Variants in PDE4D observed in about 807,000 individuals in gnomAD.
PDE4D encodes the protein 3',5'-cyclic-AMP phosphodiesterase 4D.
Under a neutral mutation model 87.4 loss-of-function variants are expected in PDE4D, and 24 were observed. The ratio of observed to expected loss-of-function variants is 0.27; its 90% confidence interval spans 0.20 to 0.39. The LOEUF (loss-of-function observed/expected upper bound fraction) is 0.39. Ranked by LOEUF, PDE4D falls within the 10% of genes least tolerant of loss-of-function variation. The probability of loss-of-function intolerance (pLI) is 1.00; values close to 1 mark genes in which losing one functional copy is unlikely to be tolerated. For missense variants in PDE4D, 714 were observed against 1,041.0 expected, an observed-to-expected ratio of 0.69 and a Z score of 4.32; for synonymous variants, 384 against 383.2, an observed-to-expected ratio of 1.00 and a Z score of -0.02.
chr5:59,572,018 AT>A (rs1266994023), intron 1 of PDE4D, among the ~76,000 whole-genome samples: 14 of 152,126 alleles, frequency 9.2e-5, no homozygotes, highest in African/African-American at 3.4e-4. Context: ...TTCCTTATGA[AT>A]TGAATTTGTG....
chr5:59,127,436 C>G (rs1241252682), intron 5 of PDE4D, among the ~76,000 whole-genome samples: 1 of 152,008 alleles, frequency 6.6e-6, no homozygotes, highest in East Asian at 1.9e-4. Flanking sequence ...TTTCTTCTTC[C>G]CCCACCTCCC....
chr5:60,226,149 G>A (rs1745071750), intron 1 of PDE4D, among the ~76,000 whole-genome samples: 2 of 152,046 alleles, frequency 1.3e-5, no homozygotes, highest in Non-Finnish European at 2.9e-5. Context: ...ATAAATCAAA[G>A]TATTTGGATA....
intron 1 of PDE4D, among the ~76,000 whole-genome samples, chr5:60,279,211 T>A (rs1294667114): frequency 6.6e-6 from 1 of 152,062 alleles, no homozygotes; most frequent in African/African-American, 2.4e-5. Flanking sequence ...GTAATGAGGG[T>A]GGCCTTGTTA....
chr5:59,597,356 A>G (rs985886648), intron 1 of PDE4D, among the ~76,000 whole-genome samples: 4 of 152,218 alleles, frequency 2.6e-5, no homozygotes, highest in African/African-American at 9.6e-5. Context: ...TTAACAATGT[A>G]TCTACATCTA....
intron 1 of PDE4D, among the ~76,000 whole-genome samples, chr5:59,424,874 C>G (rs1229825326): frequency 6.6e-6 from 1 of 152,180 alleles, no homozygotes; most frequent in East Asian, 1.9e-4. Flanking sequence ...TTCAGCAGAG[C>G]TTCACATACC....
At chr5:59,166,850 T>G (rs1782002084) in intron 5 of PDE4D, among the ~76,000 whole-genome samples, 1 of 152,238 alleles carries the variant, frequency 6.6e-6, no homozygotes, top group Admixed American at 6.5e-5. Flanking sequence ...TTATATGGTC[T>G]GTAAATGGTC....
chr5:60,392,556 T>G (rs922776149), intron 1 of PDE4D, among the ~76,000 whole-genome samples: 1 of 152,180 alleles, frequency 6.6e-6, no homozygotes, highest in African/African-American at 2.4e-5. Context: ...GTGCCCAGAT[T>G]CTTGCCTGGC....
chr5:59,328,763 A>C (rs1369771805), intron 1 of PDE4D, among the ~76,000 whole-genome samples: 1 of 152,234 alleles, frequency 6.6e-6, no homozygotes, highest in African/African-American at 2.4e-5. Context: ...TTAGAAGTTG[A>C]GGGTCATTAA....
At chr5:59,302,544 C>G (rs1450898291) in intron 1 of PDE4D, among the ~76,000 whole-genome samples, 1 of 150,952 alleles carries the variant, frequency 6.6e-6, no homozygotes, top group Non-Finnish European at 1.5e-5. Context: ...ACTCTTCCCC[C>G]CAAGTCCCCA....
chr5:59,867,068 C>T (rs1747139972), intron 1 of PDE4D, among the ~76,000 whole-genome samples: 2 of 152,088 alleles, frequency 1.3e-5, no homozygotes, highest in African/African-American at 4.8e-5. Flanking sequence ...GGAAGTCAGA[C>T]TAGATGGCAC....
intron 1 of PDE4D, among the ~76,000 whole-genome samples, chr5:60,452,113 T>C (rs1746140759): frequency 6.6e-6 from 1 of 152,088 alleles, no homozygotes; most frequent in African/African-American, 2.4e-5. Context: ...AGCAGTTAAA[T>C]GAGAAATGAT....
chr5:59,285,660 C>A (rs1489002587), intron 1 of PDE4D, among the ~76,000 whole-genome samples: 1 of 152,098 alleles, frequency 6.6e-6, no homozygotes, highest in Non-Finnish European at 1.5e-5. Context: ...GAAAAATGGC[C>A]TTAATCTGGA....
chr5:60,234,510 G>T (rs1746195747), intron 1 of PDE4D, among the ~76,000 whole-genome samples: 1 of 151,770 alleles, frequency 6.6e-6, no homozygotes, highest in African/African-American at 2.4e-5. Context: ...AATGTTTTCA[G>T]AAACTGCCAA....
At chr5:59,434,372 G>A (rs1394196386) in intron 1 of PDE4D, among the ~76,000 whole-genome samples, 1 of 151,952 alleles carries the variant, frequency 6.6e-6, no homozygotes, top group Non-Finnish European at 1.5e-5. Flanking sequence ...AGAATTGACT[G>A]AACGATTTCC....
At chr5:60,425,521 C>T (rs922548555) in intron 1 of PDE4D, among the ~76,000 whole-genome samples, 6 of 152,054 alleles carry the variant, frequency 3.9e-5, no homozygotes, top group Admixed American at 2.6e-4. Flanking sequence ...ACACCTTATA[C>T]AAAAATTAAT....
At chr5:60,065,614 A>T (rs1175024984) in intron 2 of PDE4D, among the ~76,000 whole-genome samples, 1 of 151,712 alleles carries the variant, frequency 6.6e-6, no homozygotes, top group South Asian at 2.1e-4. Flanking sequence ...CAGTCCCCAG[A>T]GTGTGATGTT....
intron 1 of PDE4D, among the ~76,000 whole-genome samples, chr5:59,563,736 C>G (rs1820442203): frequency 6.6e-6 from 1 of 152,172 alleles, no homozygotes; most frequent in African/African-American, 2.4e-5. Flanking sequence ...TCTGTATAAA[C>G]CATGCTCTTA....
chr5:59,441,641 T>A (rs1339329072), intron 1 of PDE4D, among the ~76,000 whole-genome samples: 1 of 152,188 alleles, frequency 6.6e-6, no homozygotes, highest in Non-Finnish European at 1.5e-5. Flanking sequence ...GCACAGAATG[T>A]CAGTCAGCTT....
At chr5:60,196,542 T>C (rs937328566) in intron 1 of PDE4D, among the ~76,000 whole-genome samples, 1 of 151,644 alleles carries the variant, frequency 6.6e-6, no homozygotes, top group Admixed American at 6.6e-5. Flanking sequence ...TCTAGAGCAG[T>C]TTCGTCCTGT....
Sources: allele counts gnomAD v4.1 joint callset (sites outside exome capture counted in the v4.1 genomes callset), GRCh38; gene constraint gnomAD v4.1.1; transcripts MANE v1.5; gene names NCBI Gene and HGNC (gene_info 2026-07-23, HGNC 2026-07-21).